The following PTPRU variants were observed in gnomAD, a reference collection of about 807,000 sequenced individuals.
PTPRU encodes the protein protein tyrosine phosphatase receptor type U.
In PTPRU, 69 loss-of-function variants were observed where a neutral mutation model predicts 166.3. The ratio of observed to expected loss-of-function variants is 0.41; its 90% CI spans 0.34 to 0.51. The LOEUF (loss-of-function observed/expected upper bound fraction) is 0.51. Ranked by LOEUF, PTPRU falls within the 20% of genes least tolerant of loss-of-function variation. The pLI is 0.09. For missense variants in PTPRU, 1,657 were observed against 2,013.7 expected, an observed-to-expected ratio of 0.82 and a Z score of 3.39; for synonymous variants, 793 against 814.0, an observed-to-expected ratio of 0.97 and a Z score of 0.44.
chr1:29,261,404 T>G (rs1010006435), intron 7 of PTPRU, among the ~76,000 whole-genome samples: 4 of 152,236 alleles, frequency 2.6e-5, no homozygotes, highest in Admixed American at 2.6e-4. Flanking sequence ...CTCTTCCTTG[T>G]TAAAAAGGGC....
At chr1:29,304,913 A>G in intron 17 of PTPRU, 64 bp downstream of exon 17, 5 of 1,460,364 alleles carry the variant, frequency 3.4e-6, no homozygotes, top group East Asian at 2.3e-5. Flanking sequence ...GAGGGGGAAC[A>G]CAGCCAGGGT....
chr1:29,259,600 T>TTTTGTGGGGGGGGGGGGGGGGG, intron 5 of PTPRU, 36 bp downstream of exon 5: 2 of 253,670 alleles, frequency 7.9e-6, no homozygotes, highest in Non-Finnish European at 1.5e-5. Context: ...GGGGGCGGGG[T>TTTTGTGGGGGGGGGGGGGGGGG]GGGAGGGGGT....
In PTPRU at chr1:29,292,770, C is replaced by T. The variant is rs575613556; in HGVS notation, c.2476+744C>T. On this transcript the variant is annotated intron_variant, in intron 15 of 29. Transcript: ENST00000373779. ...TCTTGGTACACCTCCCTGGCTATAT[C>T]CCCTACCTCTTTCTTAGATGTAAAT... is the stretch of plus-strand genomic sequence containing the variant. Among the ~76,000 whole-genome samples the T allele has an allele frequency of 9.2e-5, 14 of 152,100 alleles. No individual in the cohort carries two copies. In the East Asian group the frequency reaches 1.9e-3, roughly 21 times the overall value.
chr1:29,322,097 CT>C (rs1688186069), intron 26 of PTPRU, among the ~76,000 whole-genome samples: 1 of 152,242 alleles, frequency 6.6e-6, no homozygotes, highest in Non-Finnish European at 1.5e-5. Flanking sequence ...GAGTCAGGCA[CT>C]TTGTGAAAAT....
chr1:29,314,234 A>G (rs950339729), intron 22 of PTPRU, among the ~76,000 whole-genome samples: 1 of 152,248 alleles, frequency 6.6e-6, no homozygotes, highest in Non-Finnish European at 1.5e-5. Context: ...TCTTTTGGCC[A>G]AGAAATGTAT....
intron 15 of PTPRU, among the ~76,000 whole-genome samples, chr1:29,297,593 A>T (rs1389759858): frequency 6.6e-6 from 1 of 152,180 alleles, no homozygotes; most frequent in Non-Finnish European, 1.5e-5. Context: ...GTATGTGCAA[A>T]TGTGTGGTGA....
At position 29,279,382 on chromosome 1, in the gene PTPRU, A is replaced by T; in HGVS notation, c.1564-74A>T. On this transcript the variant is annotated intron_variant, in intron 9 of 29. Coordinates refer to ENST00000373779, the MANE Select transcript of PTPRU (RefSeq NM_133178.4). The surrounding 1 kb of genome is among the most constrained non-coding windows in gnomAD (Gnocchi z 5.2). ...GCCTTATCTCTCACTTCCCTGGGAC[A>T]TGGTGGGTGGAGGCTGCTGGTCAGG... The T allele has an allele frequency of 2.7e-6, 4 of 1,477,708 alleles. No homozygotes were observed. Among genetic ancestry groups the T allele is most frequent in the Non-Finnish European group, 3.8e-6 (4 of 1,058,396 alleles). The allele number at this position is 1,477,708 out of a possible 1,614,324, so 91.5% of individuals were successfully genotyped here.
At chr1:29,252,772 C>T (rs1684612930) in intron 1 of PTPRU, among the ~76,000 whole-genome samples, 1 of 152,198 alleles carries the variant, frequency 6.6e-6, no homozygotes, top group African/African-American at 2.4e-5. Context: ...TTCCTCTGCC[C>T]TCCCACCACC....
intron 26 of PTPRU, among the ~76,000 whole-genome samples, chr1:29,322,225 AT>A (rs1458970687): frequency 1.3e-5 from 2 of 152,128 alleles, no homozygotes; most frequent in African/African-American, 4.8e-5. Flanking sequence ...CTGGGCACTG[AT>A]TTGCTCATCT....
chr1:29,249,929 A>G (rs183860410), intron 1 of PTPRU, among the ~76,000 whole-genome samples: 1 of 152,294 alleles, frequency 6.6e-6, no homozygotes, highest in Non-Finnish European at 1.5e-5. Flanking sequence ...AGGGTCCTCC[A>G]TGATTGGCCT....
chr1:29,296,550 C>T (rs538461829), intron 15 of PTPRU, among the ~76,000 whole-genome samples: 42 of 150,644 alleles, frequency 2.8e-4, no homozygotes, highest in African/African-American at 9.0e-4. Context: ...ACCCTGTTGC[C>T]CAGGCTGGAC....
chr1:29,278,256 G>T (rs1451307168), intron 8 of PTPRU, among the ~76,000 whole-genome samples: 1 of 152,140 alleles, frequency 6.6e-6, no homozygotes, highest in African/African-American at 2.4e-5. Flanking sequence ...ACAGTTTTCT[G>T]TTCTGCACAG....
In PTPRU at chr1:29,237,852, G is replaced by C. The variant is rs1344950448; in HGVS notation, c.73+1135G>C. On this transcript the variant is annotated intron_variant, in intron 1 of 29. Transcript: ENST00000373779. This position sits in a 1 kb window ranked among gnomAD's most constrained non-coding sequence, Gnocchi z 6.4. The stretch of plus-strand genomic sequence containing the variant: ...ACCGGCGGGCGCTCCTGCGGTGGCC[G>C]GGCCGCGGCTGCGCCCCGGGCGGCC... Among the ~76,000 whole-genome samples, 1 of 146,028 alleles carries C rather than the reference G, an allele frequency of 6.8e-6. No homozygotes were observed. Among genetic ancestry groups the C allele is most frequent in the African/African-American group, 2.4e-5 (1 of 40,850 alleles).
chr1:29,263,597 T>G (rs1262126186), intron 7 of PTPRU, among the ~76,000 whole-genome samples: 1 of 152,220 alleles, frequency 6.6e-6, no homozygotes, highest in East Asian at 1.9e-4. Context: ...TGTACCACTT[T>G]AAATTTCCAC....
intron 7 of PTPRU, among the ~76,000 whole-genome samples, chr1:29,272,505 T>C (rs1297930706): frequency 1.3e-5 from 2 of 152,202 alleles, no homozygotes; most frequent in Non-Finnish European, 2.9e-5. Flanking sequence ...GGGGCCAGTG[T>C]TGAAAACTGT....
At position 29,279,600 on chromosome 1, in the gene PTPRU, C is replaced by T. The variant is rs183165721; in HGVS notation, c.1708C>T (p.Arg570Cys). ...CACCTACCTGTTCTCCGTGCGGGCC[C>T]GCACAGGCAAAGGCTTCGGCCAGGC... is the stretch of plus-strand genomic sequence containing the variant. ...GTTYLFSVRA[R>C]TGKGFGQAAL... Residue 570 changes from arginine (R) to cysteine (C), a missense_variant, in exon 10 of 30, where the codon CGC becomes TGC. Arg to Cys is a radical substitution (Grantham distance 180). This residue lies in a region of PTPRU where 1,190 missense variants were observed against 1,477.4 expected (regional missense o/e 0.81). Transcript: ENST00000373779. The surrounding 1 kb of genome is among the most constrained non-coding windows in gnomAD (Gnocchi z 5.2). 5.4e-5 allele frequency: 87 copies of T among 1,614,036 alleles called. 1 individual carries two copies. The Admixed American group carries it at 7.2e-4, about 13-fold the overall frequency.
intron 12 of PTPRU, 105 bp downstream of exon 12, chr1:29,283,054 C>A: frequency 6.8e-7 from 1 of 1,466,974 alleles, no homozygotes; most frequent in Non-Finnish European, 9.2e-7. Flanking sequence ...CCCGGCACTT[C>A]CCATAGCCCC....
At chr1:29,275,269 C>T (rs905502809) in intron 7 of PTPRU, among the ~76,000 whole-genome samples, 179 bp from the exon 8 acceptor site, 2 of 152,096 alleles carry the variant, frequency 1.3e-5, no homozygotes, top group South Asian at 2.1e-4. Flanking sequence ...AAATGTAGTC[C>T]GCCTGACTCC....
At chr1:29,310,658 G>C (rs1458742159) in intron 18 of PTPRU, 86 bp from the exon 19 acceptor site, 1 of 1,421,804 alleles carries the variant, frequency 7.0e-7, no homozygotes, top group Non-Finnish European at 1.0e-6. Context: ...TAGGGGTTCT[G>C]CTGCTGGGAG....
Sources: gnomAD v4.1 joint callset for allele counts (sites outside exome capture counted in the v4.1 genomes callset) on GRCh38, gnomAD v4.1.1 for gene constraint, gnomAD v4.1.1 regional missense constraint, Gnocchi (gnomAD v3.1) non-coding constraint, MANE v1.5 for transcripts, NCBI Gene and HGNC (gene_info 2026-07-23, HGNC 2026-07-21) for gene names.